THSD7A: variants seen among roughly 807,000 people sequenced by gnomAD.
THSD7A encodes thrombospondin type-1 domain-containing protein 7A.
A neutral mutation model predicts 231.3 loss-of-function variants in THSD7A; 96 were observed. The observed-to-expected ratio is 0.41, with a 90% CI of 0.35 to 0.49. The LOEUF (loss-of-function observed/expected upper bound fraction) is 0.49, where lower values mean the gene tolerates loss of function less well. THSD7A is among the 20% of genes least tolerant of loss of function. The pLI, the probability that THSD7A is intolerant of heterozygous loss-of-function variation, is 0.05. For missense variants in THSD7A, 2,290 were observed against 2,070.2 expected (o/e 1.11, Z -2.06); for synonymous variants, 940 against 743.3 (o/e 1.26, Z -4.30).
chr7:11,650,356 T>G (rs569142931), intron 1 of THSD7A, among the ~76,000 whole-genome samples: 1 of 152,170 alleles, frequency 6.6e-6, no homozygotes, highest in South Asian at 2.1e-4. Context: ...TCCAAAGATG[T>G]TATGCTAGAG....
At chr7:11,396,460 C>T (rs552836169) in intron 23 of THSD7A, among the ~76,000 whole-genome samples, 16 of 152,128 alleles carry the variant, frequency 1.1e-4, no homozygotes, top group East Asian at 3.9e-4. Flanking sequence ...ATATCATCAC[C>T]GATCCCACAG....
chr7:11,438,742 A>G (rs1406565035), intron 13 of THSD7A, among the ~76,000 whole-genome samples: 1 of 151,986 alleles, frequency 6.6e-6, no homozygotes, highest in African/African-American at 2.4e-5. Flanking sequence ...TGATGTCCAC[A>G]TGGCAGTACC....
intron 1 of THSD7A, among the ~76,000 whole-genome samples, chr7:11,646,760 T>C (rs866792038): frequency 6.6e-6 from 1 of 152,040 alleles, no homozygotes; most frequent in African/African-American, 2.4e-5. Flanking sequence ...TAAAAAATAG[T>C]AAGTGACATC....
At chr7:11,515,947 C>T (rs1788014669) in intron 6 of THSD7A, among the ~76,000 whole-genome samples, 1 of 152,076 alleles carries the variant, frequency 6.6e-6, no homozygotes, top group Non-Finnish European at 1.5e-5. Context: ...TCAAGTAGCA[C>T]TATCAATCAT....
rs373932644 is a variant in THSD7A at position 11,467,378 on chromosome 7, A to T, written c.2368+2501T>A. Among the ~76,000 whole-genome samples the T allele has an allele frequency of 5.9e-5, 9 of 152,310 alleles. No homozygotes were observed. The East Asian group carries it at 9.7e-4, about 16-fold the overall frequency. ...GTCTTACATTATCTGGGCTGTGCAG[A>T]AGAGTTCTATATGTTAAATGCAATT... is the stretch of plus-strand genomic sequence containing the variant. On this transcript the variant is annotated intron_variant, in intron 9 of 27. Coordinates refer to ENST00000423059, the MANE Select transcript of THSD7A (RefSeq NM_015204.3).
chr7:11,569,902 G>A (rs1790547282), intron 4 of THSD7A, among the ~76,000 whole-genome samples: 1 of 152,148 alleles, frequency 6.6e-6, no homozygotes, highest in Non-Finnish European at 1.5e-5. Flanking sequence ...GCTGGGCACA[G>A]TGACTCACAT....
intron 23 of THSD7A, chr7:11,385,299 G>C (rs894692787): frequency 1.3e-5 from 2 of 151,844 alleles, no homozygotes; most frequent in Admixed American, 6.6e-5. Context: ...GATGACACTT[G>C]GCTGGAACCT....
chr7:11,522,182 C>T (rs1038052060), intron 6 of THSD7A, among the ~76,000 whole-genome samples: 1 of 152,072 alleles, frequency 6.6e-6, no homozygotes, highest in African/African-American at 2.4e-5. Flanking sequence ...TGAGGGCATT[C>T]GTAATAACAT....
At chr7:11,395,517 G>T (rs1410782453) in intron 23 of THSD7A, among the ~76,000 whole-genome samples, 2 of 149,744 alleles carry the variant, frequency 1.3e-5, no homozygotes, top group Non-Finnish European at 3.0e-5. Context: ...AACAGAATAT[G>T]CATTCTTTTT....
chr7:11,481,324 CA>C (rs1786413552), intron 7 of THSD7A, among the ~76,000 whole-genome samples: 1 of 152,058 alleles, frequency 6.6e-6, no homozygotes, highest in Non-Finnish European at 1.5e-5. Context: ...CTGAAAATTG[CA>C]ATTTTTGGTC....
chr7:11,477,716 ACTT>A (rs1283265499), intron 7 of THSD7A, among the ~76,000 whole-genome samples: 2 of 152,102 alleles, frequency 1.3e-5, no homozygotes, highest in Non-Finnish European at 2.9e-5. Flanking sequence ...CCCATCTTGT[ACTT>A]CTTCTATTGC....
At chr7:11,445,140 T>C (rs993173392) in intron 13 of THSD7A, among the ~76,000 whole-genome samples, 3 of 151,964 alleles carry the variant, frequency 2.0e-5, no homozygotes, top group South Asian at 2.1e-4. Flanking sequence ...TTCAGCAAGG[T>C]TGGAGGATAA....
chr7:11,406,158 A>G lies in THSD7A; in HGVS notation c.4237+142T>C, dbSNP rs1194867779. On this transcript the variant is annotated intron_variant, in intron 22 of 27. Coordinates refer to ENST00000423059, the MANE Select transcript of THSD7A (RefSeq NM_015204.3). This position sits in a 1 kb window ranked among gnomAD's most constrained non-coding sequence, Gnocchi z 4.7. ...AGACAGCGTCCCGTTCCCCACAGGC[A>G]TAGTGTTGAGCTGTTGGCATAGATA... 2.4e-6 allele frequency: 2 copies of G among 829,432 alleles called. No homozygotes were observed. Among genetic ancestry groups the G allele is most frequent in the African/African-American group, 1.7e-5 (1 of 57,904 alleles). The allele number at this position is 829,432 out of a possible 1,614,324, so 51.4% of individuals were successfully genotyped here.
Position 11,645,802 on chromosome 7 carries a change from C to T in THSD7A, c.191-8841G>A, listed in dbSNP as rs894399889. The stretch of plus-strand genomic sequence containing the variant: ...TCAAGCAGTAGATATAAAAAATAAA[C>T]AAGATTAATTTTGTTACTCTGTCCA... On this transcript the variant is annotated intron_variant, in intron 1 of 27. Transcript: ENST00000423059. 5.9e-5 allele frequency among the ~76,000 whole-genome samples: 9 copies of T among 151,676 alleles called. No homozygotes were observed. In the South Asian group the frequency reaches 6.2e-4, roughly 10 times the overall value.
chr7:11,391,906 T>C (rs1782996764), intron 23 of THSD7A, among the ~76,000 whole-genome samples: 1 of 152,048 alleles, frequency 6.6e-6, no homozygotes, highest in African/African-American at 2.4e-5. Context: ...TTGCTTCAGC[T>C]TGCCCTCCGT....
intron 1 of THSD7A, among the ~76,000 whole-genome samples, chr7:11,685,641 CAG>C: frequency 6.6e-6 from 1 of 151,964 alleles, no homozygotes; most frequent in East Asian, 1.9e-4. Context: ...CACTAATCAA[CAG>C]AGAGATGCAA....
chr7:11,741,312 G>A (rs1486802837), intron 1 of THSD7A, among the ~76,000 whole-genome samples: 2 of 151,858 alleles, frequency 1.3e-5, no homozygotes, highest in Admixed American at 6.6e-5. Flanking sequence ...CCGTTTAAGA[G>A]ATCCAAAGGG....
chr7:11,731,043 A>G (rs561090473), intron 1 of THSD7A, among the ~76,000 whole-genome samples: 3 of 151,492 alleles, frequency 2.0e-5, no homozygotes, highest in African/African-American at 7.2e-5. Context: ...CTCTGCATAT[A>G]TAAATTGTTT....
chr7:11,611,187 T>C (rs1450523889), intron 2 of THSD7A, among the ~76,000 whole-genome samples: 1 of 152,144 alleles, frequency 6.6e-6, no homozygotes, highest in Non-Finnish European at 1.5e-5. Flanking sequence ...ATATCTCAAG[T>C]GTTAGAGAAG....
Sources: allele counts gnomAD v4.1 joint callset (sites outside exome capture counted in the v4.1 genomes callset), GRCh38; gene constraint gnomAD v4.1.1; non-coding constraint Gnocchi (gnomAD v3.1); transcripts MANE v1.5; gene names NCBI Gene and HGNC (gene_info 2026-07-23, HGNC 2026-07-21).